Variants in LRRFIP2 observed in about 807,000 individuals in gnomAD.
LRRFIP2 encodes the protein leucine-rich repeat flightless-interacting protein 2.
In LRRFIP2, 109 loss-of-function variants were observed where a neutral mutation model predicts 125.9. That is an observed-to-expected ratio of 0.87 (90% confidence interval 0.74 to 1.01). The LOEUF (loss-of-function observed/expected upper bound fraction) is 1.01, where lower values mean the gene tolerates loss of function less well. LRRFIP2 is among the 50% of genes least tolerant of loss of function. The probability of loss-of-function intolerance (pLI) is 0.00; values close to 1 mark genes in which losing one functional copy is unlikely to be tolerated. For synonymous variants in LRRFIP2, 291 were observed against 293.1 expected, an observed-to-expected ratio of 0.99 and a Z score of 0.07; for missense variants, 850 against 862.3, an observed-to-expected ratio of 0.99 and a Z score of 0.18.
At chr3:37,070,721 T>C (rs1458680476) in intron 21 of LRRFIP2, among the ~76,000 whole-genome samples, 1 of 151,646 alleles carries the variant, frequency 6.6e-6, no homozygotes, top group East Asian at 1.9e-4. Context: ...GAGAGAGAGA[T>C]TCCATCTCAA....
chr3:37,165,288 G>C (rs1262932343), intron 1 of LRRFIP2, among the ~76,000 whole-genome samples: 2 of 151,832 alleles, frequency 1.3e-5, no homozygotes, highest in Non-Finnish European at 2.9e-5. Context: ...GAGGGATCTA[G>C]GTTGTGCGTT....
At chr3:37,075,693 A>G (rs2091919328) in intron 19 of LRRFIP2, among the ~76,000 whole-genome samples, 1 of 152,164 alleles carries the variant, frequency 6.6e-6, no homozygotes, top group African/African-American at 2.4e-5. Context: ...TTTTTCTTTT[A>G]TCATCATCAG....
At chr3:37,164,151 T>C (rs966745711) in intron 1 of LRRFIP2, among the ~76,000 whole-genome samples, 7 of 152,152 alleles carry the variant, frequency 4.6e-5, no homozygotes, top group African/African-American at 1.4e-4. Flanking sequence ...CAGAAAATTA[T>C]GTAAATGTAA....
Position 37,066,343 on chromosome 3 carries a change from A to G in LRRFIP2, c.1465-18T>C, listed in dbSNP as rs762802634. 1 of 1,591,206 alleles carries G rather than the reference A, an allele frequency of 6.3e-7. No homozygotes were observed. Among genetic ancestry groups the G allele is most frequent in the Non-Finnish European group, 8.6e-7 (1 of 1,159,152 alleles). On this transcript the variant is annotated intron_variant, in intron 21 of 27. Coordinates refer to ENST00000336686, the MANE Select transcript of LRRFIP2 (RefSeq NM_006309.4). The stretch of plus-strand genomic sequence containing the variant: ...TCTAGGGCCTGGTTTTAGGTAAGGT[A>G]GCAAGGGAAACAATGGCACAGAAAA...
chr3:37,064,663 C>CT (rs1335287955), intron 23 of LRRFIP2: 3 of 152,006 alleles, frequency 2.0e-5, no homozygotes, highest in African/African-American at 4.8e-5. Context: ...GGGCTCACTC[C>CT]TAGCCTGTGG....
chr3:37,156,322 A>T (rs190234153), intron 1 of LRRFIP2, among the ~76,000 whole-genome samples: 3,037 of 150,834 alleles, frequency 0.02, 52 homozygotes, highest in Middle Eastern at 0.027. Flanking sequence ...TTTAAAAAAA[A>T]TTTTTTTTTT....
intron 1 of LRRFIP2, among the ~76,000 whole-genome samples, chr3:37,165,244 A>C (rs1303892546): frequency 6.6e-6 from 1 of 151,864 alleles, no homozygotes; most frequent in Non-Finnish European, 1.5e-5. Flanking sequence ...CAAAAAAAAA[A>C]ACAAAAAAAC....
rs182594939 is a variant in LRRFIP2, at chr3:37,065,980, T to C, written c.1567-38A>G. 1.3e-3 allele frequency: 2,075 copies of C among 1,613,450 alleles called. 2 individuals are homozygous for C. The highest frequency in any genetic ancestry group is 1.7e-3 in the Middle Eastern group (10 of 6,054). ...AAAACCCACCATCACAAAAGGCCCG[T>C]ATGGAAGCTGTAAGCTCTGTGAGGT... On this transcript the variant is annotated intron_variant, in intron 22 of 27. Coordinates refer to ENST00000336686, the MANE Select transcript of LRRFIP2 (RefSeq NM_006309.4).
chr3:37,076,151 G>A (rs1005964408), intron 19 of LRRFIP2, among the ~76,000 whole-genome samples: 4 of 152,052 alleles, frequency 2.6e-5, no homozygotes, highest in African/African-American at 9.7e-5. Context: ...ACCAAGGAGT[G>A]GGGCAATCTT....
intron 15 of LRRFIP2, 147 bp downstream of exon 15, chr3:37,102,777 C>T: frequency 1.8e-6 from 1 of 564,052 alleles, no homozygotes; most frequent in Non-Finnish European, 3.0e-6. Context: ...GCTGGGATTA[C>T]AAGTGTGAGC....
chr3:37,173,832 T>C (rs1224479671), intron 1 of LRRFIP2, among the ~76,000 whole-genome samples: 1 of 152,260 alleles, frequency 6.6e-6, no homozygotes, highest in African/African-American at 2.4e-5. Flanking sequence ...GATTTGTTTT[T>C]GTTTTGAGAG....
At chr3:37,135,406 C>T (rs1402105285) in intron 2 of LRRFIP2, among the ~76,000 whole-genome samples, 2 of 149,856 alleles carry the variant, frequency 1.3e-5, no homozygotes, top group African/African-American at 4.9e-5. Context: ...TGCAGTGAGC[C>T]GAGATTATGC....
intron 1 of LRRFIP2, among the ~76,000 whole-genome samples, chr3:37,153,556 C>T (rs1389900362): frequency 6.6e-6 from 1 of 152,170 alleles, no homozygotes; most frequent in Non-Finnish European, 1.5e-5. Context: ...TTTCTTTCTC[C>T]TCTACCCCCA....
At chr3:37,173,104 A>G (rs890004710) in intron 1 of LRRFIP2, 2 of 152,294 alleles carry the variant, frequency 1.3e-5, no homozygotes, top group African/African-American at 2.4e-5. Flanking sequence ...AGGCTGAGGC[A>G]GGAGAATGGC....
chr3:37,081,682 G>A (rs1304770809), intron 19 of LRRFIP2, among the ~76,000 whole-genome samples: 3 of 151,766 alleles, frequency 2.0e-5, no homozygotes, highest in South Asian at 2.1e-4. Context: ...CCAGGAGTTC[G>A]AGACCAGCCT....
chr3:37,140,343 CACATAT>C (rs1320572076), intron 2 of LRRFIP2: 9 of 152,198 alleles, frequency 5.9e-5, no homozygotes, highest in African/African-American at 2.2e-4. Context: ...GCTATGGCAG[CACATAT>C]ACTAAAATTG....
At chr3:37,085,743 G>A (rs545177407) in intron 18 of LRRFIP2, among the ~76,000 whole-genome samples, 73 of 151,636 alleles carry the variant, frequency 4.8e-4, no homozygotes, top group African/African-American at 1.7e-3. Flanking sequence ...CACCACTCCC[G>A]GCTAATTTTT....
chr3:37,058,705 CA>C (rs2087654983), intron 25 of LRRFIP2, 84 bp downstream of exon 25: 3 of 1,310,250 alleles, frequency 2.3e-6, no homozygotes. Context: ...AAGTGTATTA[CA>C]AGATACCAGC....
chr3:37,096,500 T>TG (rs1429308885), intron 16 of LRRFIP2, 116 bp downstream of exon 16: 36 of 673,250 alleles, frequency 5.3e-5, no homozygotes, highest in Middle Eastern at 2.5e-4. Context: ...AGGAAATAGA[T>TG]GAAGGGAGGA....
Sources: allele counts gnomAD v4.1 joint callset (sites outside exome capture counted in the v4.1 genomes callset), GRCh38; gene constraint gnomAD v4.1.1; transcripts MANE v1.5; gene names NCBI Gene and HGNC (gene_info 2026-07-23, HGNC 2026-07-21).